The following MARK1 variants were observed in gnomAD, a reference collection of about 807,000 sequenced individuals.
The protein encoded by MARK1 is serine/threonine-protein kinase MARK1.
In MARK1, 40 loss-of-function variants were observed where a neutral mutation model predicts 96.3. That is an observed-to-expected ratio of 0.42 (90% confidence interval 0.32 to 0.54). The LOEUF is 0.54. MARK1 is among the 20% of genes least tolerant of loss of function. MARK1 has a pLI of 0.16. For synonymous variants in MARK1, 317 were observed against 341.2 expected, an observed-to-expected ratio of 0.93 and a Z score of 0.78; for missense variants, 719 against 984.6, an observed-to-expected ratio of 0.73 and a Z score of 3.61.
intron 13 of MARK1, among the ~76,000 whole-genome samples, chr1:220,648,258 G>A (rs576292998): frequency 9.9e-5 from 15 of 152,160 alleles, no homozygotes; most frequent in Admixed American, 9.8e-4. Flanking sequence ...TCCACATTGG[G>A]GAAGTTACCA....
intron 3 of MARK1, among the ~76,000 whole-genome samples, chr1:220,586,009 A>ACACACACACACACG (rs1553322887): frequency 7.7e-6 from 1 of 129,726 alleles, no homozygotes; most frequent in South Asian, 2.6e-4. Context: ...ACACACACAC[A>ACACACACACACACG]CACGCGCGCG....
chr1:220,623,195 G>T (rs948993663), intron 9 of MARK1, among the ~76,000 whole-genome samples: 3 of 151,974 alleles, frequency 2.0e-5, no homozygotes, highest in African/African-American at 7.2e-5. Context: ...CCCAGACTCG[G>T]GTTACATGAG....
At chr1:220,596,422 T>C (rs1355531165) in intron 3 of MARK1, among the ~76,000 whole-genome samples, 2 of 152,234 alleles carry the variant, frequency 1.3e-5, no homozygotes, top group East Asian at 3.8e-4. Flanking sequence ...TTACAGAAAG[T>C]ACTTGTCTTG....
At chr1:220,564,106 G>A (rs535116276) in intron 1 of MARK1, among the ~76,000 whole-genome samples, 1 of 152,122 alleles carries the variant, frequency 6.6e-6, no homozygotes, top group Non-Finnish European at 1.5e-5. Flanking sequence ...AGAAATCATT[G>A]CATTAAATGG....
chr1:220,601,923 T>A (rs1572156578), intron 5 of MARK1, among the ~76,000 whole-genome samples: 2 of 152,184 alleles, frequency 1.3e-5, no homozygotes, highest in South Asian at 4.1e-4. Context: ...TAAATCCTGA[T>A]TCCTGCGATA....
chr1:220,536,868 A>C (rs1472492641), intron 1 of MARK1, among the ~76,000 whole-genome samples: 3 of 152,174 alleles, frequency 2.0e-5, no homozygotes, highest in Non-Finnish European at 4.4e-5. Flanking sequence ...GGCGTGAGCC[A>C]CTGTGCCCGG....
intron 13 of MARK1, among the ~76,000 whole-genome samples, chr1:220,643,699 A>G (rs1668411887): frequency 6.6e-6 from 1 of 152,198 alleles, no homozygotes; most frequent in African/African-American, 2.4e-5. Context: ...TTACAAAGGG[A>G]AGTCCATTAG....
At chr1:220,585,194 C>G (rs572031120) in intron 3 of MARK1, among the ~76,000 whole-genome samples, 13 of 152,218 alleles carry the variant, frequency 8.5e-5, no homozygotes, top group Non-Finnish European at 1.8e-4. Flanking sequence ...GCCAGTTACC[C>G]ACTGTTTCAC....
chr1:220,651,557 T>C (rs1324544214), intron 14 of MARK1, among the ~76,000 whole-genome samples: 1 of 152,200 alleles, frequency 6.6e-6, no homozygotes, highest in Non-Finnish European at 1.5e-5. Context: ...TTTTGATGAA[T>C]CTAGAGATAA....
intron 6 of MARK1, among the ~76,000 whole-genome samples, chr1:220,608,489 T>G (rs2102937395): frequency 6.6e-6 from 1 of 152,294 alleles, no homozygotes; most frequent in South Asian, 2.1e-4. Context: ...ATTTTGTTGA[T>G]CTTTTCAAAA....
intron 1 of MARK1, among the ~76,000 whole-genome samples, chr1:220,574,500 T>G (rs140536328): frequency 6.6e-6 from 1 of 152,274 alleles, no homozygotes; most frequent in African/African-American, 2.4e-5. Flanking sequence ...CCGAGAAAAC[T>G]GTTGCTGTCT....
chr1:220,584,759 A>G (rs1424343229), intron 3 of MARK1, among the ~76,000 whole-genome samples: 1 of 152,240 alleles, frequency 6.6e-6, no homozygotes, highest in Non-Finnish European at 1.5e-5. Flanking sequence ...TTGCAAAACC[A>G]ATCACAAAAT....
intron 1 of MARK1, among the ~76,000 whole-genome samples, chr1:220,573,737 A>G (rs35093331): frequency 3.3e-5 from 5 of 151,810 alleles, no homozygotes; most frequent in East Asian, 3.9e-4. Flanking sequence ...CTGTAATCCT[A>G]TCCAATGAAT....
chr1:220,561,992 C>T (rs1194533544), intron 1 of MARK1, among the ~76,000 whole-genome samples: 5 of 152,134 alleles, frequency 3.3e-5, no homozygotes, highest in African/African-American at 1.2e-4. Context: ...TAAGAGAGAA[C>T]ATTTGGCAAT....
chr1:220,544,026 A>G (rs1661319891), intron 1 of MARK1, among the ~76,000 whole-genome samples: 1 of 152,236 alleles, frequency 6.6e-6, no homozygotes, highest in African/African-American at 2.4e-5. Flanking sequence ...ATGATAAGTC[A>G]ATCCTTTTGT....
In MARK1 at chr1:220,650,702, A is replaced by G; in HGVS notation, c.1553A>G (p.Gln518Arg). The change falls in exon 14 of 18, where the codon CAG (glutamine) becomes CGG (arginine). Residue 518 changes from glutamine (Q) to arginine (R), a missense_variant. Coordinates refer to ENST00000366917, the MANE Select transcript of MARK1 (RefSeq NM_018650.5). Reference protein sequence around the residue: ...ERTTDRYVALQNGKDSSLTEM... With the variant: ...ERTTDRYVALRNGKDSSLTEM... The stretch of plus-strand genomic sequence containing the variant: ...ACCACAGATCGATACGTAGCATTGC[A>G]GAATGGAAAAGACAGCAGGTAAATG... 1 of 1,613,288 alleles carries G rather than the reference A, an allele frequency of 6.2e-7. No individual in the cohort carries two copies. Among genetic ancestry groups the G allele is most frequent in the Non-Finnish European group, 8.5e-7 (1 of 1,179,352 alleles).
rs1236175303 is a variant in MARK1 at position 220,654,051 on chromosome 1, G to A, written c.1988+699G>A. 1.3e-5 allele frequency among the ~76,000 whole-genome samples: 2 copies of A among 152,188 alleles called. No individual in the cohort carries two copies. The highest frequency in any genetic ancestry group is 4.8e-5 in the African/African-American group (2 of 41,448). ...TAAGCCCTGCGACAGACAAAGCACT[G>A]TGTTAGGTGCAGAACAGAATCTAAA... On this transcript the variant is annotated intron_variant, in intron 16 of 17. Transcript: ENST00000366917. The surrounding 1 kb of genome is among the most constrained non-coding windows in gnomAD (Gnocchi z 4.0).
At chr1:220,656,746 G>A (rs1376635149) in intron 16 of MARK1, among the ~76,000 whole-genome samples, 19 of 152,102 alleles carry the variant, frequency 1.2e-4, no homozygotes, top group Admixed American at 1.1e-3. Context: ...ACATTTGAAT[G>A]TGAGAATACA....
intron 3 of MARK1, among the ~76,000 whole-genome samples, chr1:220,588,347 A>T (rs1226433395): frequency 6.6e-6 from 1 of 152,220 alleles, no homozygotes; most frequent in East Asian, 1.9e-4. Context: ...AGAATCTTAT[A>T]ATCTACCTAT....
Sources: gnomAD v4.1 joint callset for allele counts (sites outside exome capture counted in the v4.1 genomes callset) on GRCh38, gnomAD v4.1.1 for gene constraint, Gnocchi (gnomAD v3.1) non-coding constraint, MANE v1.5 for transcripts, NCBI Gene and HGNC (gene_info 2026-07-23, HGNC 2026-07-21) for gene names.